MAML2: variants seen among roughly 807,000 people sequenced by gnomAD.
MAML2 encodes the protein mastermind-like protein 2.
A neutral mutation model predicts 96.1 loss-of-function variants in MAML2; 22 were observed. The observed-to-expected ratio is 0.23, with a 90% CI of 0.16 to 0.33. MAML2 has a LOEUF of 0.33. MAML2 is among the 10% of genes least tolerant of loss of function. MAML2 has a pLI of 1.00. For synonymous variants in MAML2, 561 were observed against 521.3 expected, an observed-to-expected ratio of 1.08 and a Z score of -1.04; for missense variants, 1,367 against 1,392.4, an observed-to-expected ratio of 0.98 and a Z score of 0.29.
chr11:96,096,743 T>C (rs989012880), intron 1 of MAML2, among the ~76,000 whole-genome samples: 25 of 152,340 alleles, frequency 1.6e-4, no homozygotes, highest in African/African-American at 6.0e-4. Flanking sequence ...AATGGGATTA[T>C]CTCTGAGATC....
chr11:96,041,128 C>A (rs1343917664), intron 2 of MAML2, among the ~76,000 whole-genome samples: 1 of 152,002 alleles, frequency 6.6e-6, no homozygotes. Context: ...TATGAACATT[C>A]TGAACACATG....
At chr11:95,987,878 G>A (rs1425727745) in intron 3 of MAML2, among the ~76,000 whole-genome samples, 6 of 152,156 alleles carry the variant, frequency 3.9e-5, no homozygotes, top group Non-Finnish European at 8.8e-5. Flanking sequence ...GGGAAAAAGT[G>A]GTTGGTGAAA....
At chr11:96,132,439 A>G (rs1006092470) in intron 1 of MAML2, among the ~76,000 whole-genome samples, 2 of 152,236 alleles carry the variant, frequency 1.3e-5, no homozygotes, top group Admixed American at 1.3e-4. Context: ...ACAAACTGGC[A>G]AAGATAGTTA....
intron 1 of MAML2, among the ~76,000 whole-genome samples, chr11:96,283,211 G>A (rs575184): frequency 0.23 from 35,428 of 152,056 alleles, 4,293 homozygotes; most frequent in Middle Eastern, 0.3. Context: ...CTGCAGACCT[G>A]TTAAACTTTG....
intron 2 of MAML2, among the ~76,000 whole-genome samples, chr11:96,047,752 T>C (rs920105032): frequency 2.0e-5 from 3 of 151,036 alleles, no homozygotes; most frequent in African/African-American, 7.3e-5. Context: ...CTACTAAAAA[T>C]ACAAAAATTA....
At chr11:96,124,583 C>T (rs938758285) in intron 1 of MAML2, among the ~76,000 whole-genome samples, 1 of 152,100 alleles carries the variant, frequency 6.6e-6, no homozygotes, top group African/African-American at 2.4e-5. Context: ...CATGAAAATG[C>T]ACACTCAAAG....
intron 1 of MAML2, among the ~76,000 whole-genome samples, chr11:96,174,931 G>C (rs1861359132): frequency 6.6e-6 from 1 of 152,184 alleles, no homozygotes; most frequent in Non-Finnish European, 1.5e-5. Context: ...AATATTCTTG[G>C]AGCGCAGAAA....
At chr11:96,238,868 T>G (rs1002932309) in intron 1 of MAML2, among the ~76,000 whole-genome samples, 2 of 152,160 alleles carry the variant, frequency 1.3e-5, no homozygotes, top group African/African-American at 4.8e-5. Context: ...AAAAAGGGAT[T>G]TGTTGAAGGA....
intron 2 of MAML2, among the ~76,000 whole-genome samples, chr11:96,050,260 TG>T (rs1858969884): frequency 6.6e-6 from 1 of 152,130 alleles, no homozygotes; most frequent in South Asian, 2.1e-4. Context: ...TTCTGAAGAA[TG>T]GGACTGTCGG....
chr11:96,079,910 A>C (rs1590999454), intron 2 of MAML2, among the ~76,000 whole-genome samples: 1 of 152,214 alleles, frequency 6.6e-6, no homozygotes, highest in Non-Finnish European at 1.5e-5. Context: ...GTGGCTGGGC[A>C]CAGAGGGCTG....
chr11:96,014,909 A>G (rs976449415), intron 2 of MAML2, among the ~76,000 whole-genome samples: 5 of 152,218 alleles, frequency 3.3e-5, no homozygotes, highest in Admixed American at 2.0e-4. Context: ...ATCAATAACT[A>G]TAATAGCTAT....
intron 2 of MAML2, among the ~76,000 whole-genome samples, chr11:96,009,297 C>A (rs567671171): frequency 6.6e-6 from 1 of 152,244 alleles, no homozygotes; most frequent in East Asian, 1.9e-4. Context: ...ATTTTCTTTA[C>A]CTTGATCTGA....
At chr11:96,308,148 T>A (rs1263256674) in intron 1 of MAML2, among the ~76,000 whole-genome samples, 2 of 152,182 alleles carry the variant, frequency 1.3e-5, no homozygotes, top group African/African-American at 4.8e-5. Context: ...GGGAGTTTCA[T>A]TTCAGCATAG....
At chr11:96,047,553 C>T (rs759845759) in intron 2 of MAML2, among the ~76,000 whole-genome samples, 3 of 152,066 alleles carry the variant, frequency 2.0e-5, no homozygotes, top group Non-Finnish European at 4.4e-5. Context: ...GACTGATTAC[C>T]TCTTTCTTCT....
chr11:96,267,637 A>G (rs188961862), intron 1 of MAML2, among the ~76,000 whole-genome samples: 5 of 152,272 alleles, frequency 3.3e-5, no homozygotes, highest in East Asian at 1.9e-4. Context: ...TAAAAATTCT[A>G]TGTAGGGGTA....
intron 1 of MAML2, among the ~76,000 whole-genome samples, chr11:96,129,005 C>T (rs572697726): frequency 4.6e-5 from 7 of 152,100 alleles, no homozygotes; most frequent in East Asian, 1.9e-4. Context: ...AGGCATTTTG[C>T]GTGCATGTAT....
intron 2 of MAML2, among the ~76,000 whole-genome samples, chr11:96,088,525 C>T (rs1319687127): frequency 6.6e-6 from 1 of 152,154 alleles, no homozygotes; most frequent in Admixed American, 6.5e-5. Context: ...CATTGCATCC[C>T]CGTCTTGCCC....
intron 1 of MAML2, among the ~76,000 whole-genome samples, chr11:96,191,019 C>T (rs1008002238): frequency 6.6e-6 from 1 of 152,208 alleles, no homozygotes; most frequent in East Asian, 1.9e-4. Flanking sequence ...GTTTTGTGTA[C>T]CCCCTTTTAG....
intron 1 of MAML2, among the ~76,000 whole-genome samples, chr11:96,217,515 T>G (rs1164026907): frequency 6.6e-6 from 1 of 152,234 alleles, no homozygotes; most frequent in Non-Finnish European, 1.5e-5. Flanking sequence ...TTCGAGCATC[T>G]TCCTTGACTG....
Sources: allele counts gnomAD v4.1 joint callset (sites outside exome capture counted in the v4.1 genomes callset), GRCh38; gene constraint gnomAD v4.1.1; transcripts MANE v1.5; gene names NCBI Gene and HGNC (gene_info 2026-07-23, HGNC 2026-07-21).